Variants in DCC observed in about 807,000 individuals in gnomAD.
DCC encodes DCC netrin 1 receptor.
In DCC, 58 loss-of-function variants were observed where a neutral mutation model predicts 172.5. The observed-to-expected ratio is 0.34, with a 90% CI of 0.27 to 0.42. The LOEUF is 0.42. Among genes scored for constraint, DCC ranks in the 10% least tolerant of loss-of-function variants. The probability of loss-of-function intolerance (pLI) is 1.00; values close to 1 mark genes in which losing one functional copy is unlikely to be tolerated. For missense variants in DCC, 1,740 were observed against 1,791.0 expected, an observed-to-expected ratio of 0.97 and a Z score of 0.51; for synonymous variants, 709 against 644.5, an observed-to-expected ratio of 1.10 and a Z score of -1.52.
intron 8 of DCC, among the ~76,000 whole-genome samples, chr18:53,171,421 C>T (rs1279025175): frequency 6.6e-6 from 1 of 152,070 alleles, no homozygotes; most frequent in African/African-American, 2.4e-5. Flanking sequence ...TTCTATTTTA[C>T]AGATCAAAAT....
chr18:52,510,885 G>C (rs76586940), intron 1 of DCC, among the ~76,000 whole-genome samples: 16 of 152,198 alleles, frequency 1.1e-4, no homozygotes, highest in Non-Finnish European at 2.1e-4. Flanking sequence ...CCCTGAGAGA[G>C]TTATCATTAC....
At chr18:52,840,987 G>A in intron 2 of DCC, among the ~76,000 whole-genome samples, 1 of 151,978 alleles carries the variant, frequency 6.6e-6, no homozygotes, top group Non-Finnish European at 1.5e-5. Flanking sequence ...AGGAAAATAT[G>A]ATACAATGAC....
chr18:53,458,421 T>G (rs2045509325), intron 23 of DCC, among the ~76,000 whole-genome samples: 1 of 152,222 alleles, frequency 6.6e-6, no homozygotes, highest in African/African-American at 2.4e-5. Context: ...TGGGCAGATT[T>G]GGCTTGCAAA....
chr18:52,806,350 A>G (rs1311915135), intron 2 of DCC, among the ~76,000 whole-genome samples: 1 of 152,180 alleles, frequency 6.6e-6, no homozygotes, highest in African/African-American at 2.4e-5. Flanking sequence ...CACATTCCAT[A>G]GTTTACATTA....
rs184611653 is a variant in DCC, at chr18:53,301,488, A to C, written c.1912-4090A>C. Reference sequence around the variant, plus strand: ...GTGTGCTTATTTTAAAACTTAATTTAAATATTTTCAGAGTATTACATGCAC... The same window carrying C: ...GTGTGCTTATTTTAAAACTTAATTTCAATATTTTCAGAGTATTACATGCAC... On this transcript the variant is annotated intron_variant, in intron 12 of 28. Coordinates refer to ENST00000442544, the MANE Select transcript of DCC (RefSeq NM_005215.4). 2.0e-5 allele frequency among the ~76,000 whole-genome samples: 3 copies of C among 152,274 alleles called. No individual in the cohort carries two copies. In the East Asian group the frequency reaches 5.8e-4, roughly 29 times the overall value.
intron 24 of DCC, among the ~76,000 whole-genome samples, chr18:53,464,979 C>CAAAAAAAAAAAAAAAAAAAAAAAAGA: frequency 1.8e-5 from 1 of 54,850 alleles, no homozygotes; most frequent in East Asian, 5.4e-4. Flanking sequence ...AACTCAATCT[C>CAAAAAAAAAAAAAAAAAAAAAAAAGA]AAAAAAAAAA....
intron 26 of DCC, among the ~76,000 whole-genome samples, chr18:53,496,186 G>A (rs535345752): frequency 1.3e-4 from 19 of 150,862 alleles, no homozygotes; most frequent in Admixed American, 9.3e-4. Flanking sequence ...AGTTGGAGCT[G>A]ACAGACACCT....
chr18:53,516,797 AACAGGT>A (rs2046339065), intron 27 of DCC, among the ~76,000 whole-genome samples: 2 of 143,868 alleles, frequency 1.4e-5, no homozygotes, highest in East Asian at 4.0e-4. Flanking sequence ...GTCAGGAAAC[AACAGGT>A]GCTGGAGAGG....
intron 5 of DCC, among the ~76,000 whole-genome samples, chr18:53,005,969 G>T (rs903710789): frequency 1.3e-5 from 2 of 152,116 alleles, no homozygotes; most frequent in Admixed American, 6.6e-5. Context: ...TATGTTCTAT[G>T]TTGGCAGTTC....
chr18:53,354,739 C>A (rs889241071), intron 15 of DCC, among the ~76,000 whole-genome samples: 6 of 149,276 alleles, frequency 4.0e-5, no homozygotes, highest in Non-Finnish European at 5.9e-5. Flanking sequence ...GTTTCTTTTG[C>A]TGTGCAGAAG....
chr18:52,362,912 T>C (rs1249451281), intron 1 of DCC, among the ~76,000 whole-genome samples: 3 of 152,148 alleles, frequency 2.0e-5, no homozygotes, highest in South Asian at 2.1e-4. Flanking sequence ...TTCCTTTCTT[T>C]CTTTATGACA....
intron 12 of DCC, among the ~76,000 whole-genome samples, chr18:53,296,434 G>A (rs994620996): frequency 6.6e-6 from 1 of 152,052 alleles, no homozygotes; most frequent in Non-Finnish European, 1.5e-5. Context: ...ATAATCCTAC[G>A]AGGGAGGGAC....
intron 5 of DCC, among the ~76,000 whole-genome samples, chr18:52,988,378 C>T (rs1341620895): frequency 6.6e-6 from 1 of 152,038 alleles, no homozygotes; most frequent in Admixed American, 6.6e-5. Context: ...AAATGATTGA[C>T]AGGTTTTAAA....
intron 1 of DCC, among the ~76,000 whole-genome samples, chr18:52,584,382 G>T (rs2033622793): frequency 6.6e-6 from 1 of 152,162 alleles, no homozygotes; most frequent in Admixed American, 6.6e-5. Flanking sequence ...TGAAGATATT[G>T]ATTTGATTTA....
chr18:53,518,811 G>C (rs539752335), intron 27 of DCC, among the ~76,000 whole-genome samples: 12 of 152,138 alleles, frequency 7.9e-5, no homozygotes, highest in Non-Finnish European at 1.6e-4. Flanking sequence ...GCTTCAGATT[G>C]AGCATTCGTA....
chr18:53,241,595 CT>C (rs1483801758), intron 12 of DCC, among the ~76,000 whole-genome samples: 1 of 152,166 alleles, frequency 6.6e-6, no homozygotes, highest in African/African-American at 2.4e-5. Context: ...TTTTCTTCTG[CT>C]TCCGCCATAA....
At chr18:52,477,013 C>T (rs76185060) in intron 1 of DCC, among the ~76,000 whole-genome samples, 3,856 of 152,114 alleles carry the variant, frequency 0.025, 151 homozygotes, top group East Asian at 0.1. Context: ...TGGGAAAGAC[C>T]GCCAGCATCT....
chr18:52,642,083 C>CAT lies in DCC; in HGVS notation c.92-109970_92-109969insTA, dbSNP rs1257459811. 5.8e-4 allele frequency among the ~76,000 whole-genome samples: 19 copies of CAT among 32,530 alleles called. 1 individual carries two copies. The highest frequency in any genetic ancestry group is 1.9e-3 in the Admixed American group (5 of 2,686). 21.3% of individuals were successfully genotyped at this position (32,530 alleles called of 152,430 possible). A position where few individuals can be genotyped will look rare whatever the true frequency, so the allele number is the denominator to read the frequency against. ...GTGTGTATATATATATATATATACACACACACACACACACTCACACACACA... is the reference window on the plus strand; with the variant it reads ...GTGTGTATATATATATATATATACACATACACACACACACACTCACACACACA... On this transcript the variant is annotated intron_variant, in intron 1 of 28. Coordinates refer to ENST00000442544, the MANE Select transcript of DCC (RefSeq NM_005215.4).
At chr18:53,356,516 A>C (rs367950037) in intron 15 of DCC, among the ~76,000 whole-genome samples, 5 of 152,162 alleles carry the variant, frequency 3.3e-5, no homozygotes, top group African/African-American at 1.2e-4. Context: ...ATGTTACTAG[A>C]GTACTGGGGA....
Sources: gnomAD v4.1 joint callset for allele counts (sites outside exome capture counted in the v4.1 genomes callset) on GRCh38, gnomAD v4.1.1 for gene constraint, MANE v1.5 for transcripts, NCBI Gene and HGNC (gene_info 2026-07-23, HGNC 2026-07-21) for gene names.